The following ADAM23 variants were observed in gnomAD, a reference collection of about 807,000 sequenced individuals.
ADAM23 encodes ADAM metallopeptidase domain 23.
ADAM23 carries 33 observed loss-of-function variants against 120.1 expected under a neutral mutation model. That is an observed-to-expected ratio of 0.27 (90% CI 0.21 to 0.37). ADAM23 has a LOEUF of 0.37. Among genes scored for constraint, ADAM23 ranks in the 10% least tolerant of loss-of-function variants. The pLI is 1.00. For synonymous variants in ADAM23, 367 were observed against 375.2 expected (o/e 0.98, Z 0.25); for missense variants, 862 against 1,058.2 (o/e 0.81, Z 2.57).
intron 2 of ADAM23, among the ~76,000 whole-genome samples, chr2:206,463,370 G>A (rs539164876): frequency 3.6e-4 from 55 of 152,276 alleles, no homozygotes; most frequent in African/African-American, 1.2e-3. Flanking sequence ...GCCTTTAGAA[G>A]GTGGAAAAGA....
Position 206,592,666 on chromosome 2 carries a change from C to A in ADAM23, c.2008C>A (p.Arg670Ser). The A allele has an allele frequency of 3.1e-6, 5 of 1,613,978 alleles. No homozygotes were observed. The highest frequency in any genetic ancestry group is 4.2e-6 in the Non-Finnish European group (5 of 1,179,892). Residue 670 changes from arginine to serine, a missense_variant, in exon 22 of 26, where the codon CGT becomes AGT. Transcript: ENST00000264377. The part of the protein sequence containing the change: ...LLCTNLTRAP[R>S]IGQLQGEIIP... ...CTGTACCAATCTTACTCGAGCTCCA[C>A]GTATTGGTCAACTTCAGGGTGAGAT...
chr2:206,587,011 C>G (rs902263491), intron 18 of ADAM23, among the ~76,000 whole-genome samples: 1 of 152,146 alleles, frequency 6.6e-6, no homozygotes, highest in African/African-American at 2.4e-5. Context: ...CAAGCTGATT[C>G]ATTTCCTTCA....
At chr2:206,582,402 C>G (rs1164334205) in intron 18 of ADAM23, among the ~76,000 whole-genome samples, 1 of 152,046 alleles carries the variant, frequency 6.6e-6, no homozygotes, top group Non-Finnish European at 1.5e-5. Context: ...AATGCCTTTT[C>G]CACCCCTTTA....
chr2:206,544,217 G>T (rs533170060), intron 6 of ADAM23, among the ~76,000 whole-genome samples: 79 of 152,258 alleles, frequency 5.2e-4, no homozygotes, highest in African/African-American at 1.9e-3. Context: ...AAAATCTTTA[G>T]TGGGGAAATC....
intron 2 of ADAM23, among the ~76,000 whole-genome samples, chr2:206,450,416 G>C (rs1695168266): frequency 6.6e-6 from 1 of 152,132 alleles, no homozygotes; most frequent in African/African-American, 2.4e-5. Context: ...TGTAATGCTT[G>C]GCATGTAGTA....
chr2:206,494,636 C>T (rs570523669), intron 3 of ADAM23, among the ~76,000 whole-genome samples: 110 of 152,276 alleles, frequency 7.2e-4, no homozygotes, highest in African/African-American at 2.6e-3. Flanking sequence ...GCTGGCCATT[C>T]AGTGGTTGAT....
chr2:206,601,830 A>C (rs1698645389), intron 24 of ADAM23, among the ~76,000 whole-genome samples: 1 of 152,088 alleles, frequency 6.6e-6, no homozygotes, highest in African/African-American at 2.4e-5. Context: ...ATAGCACAAT[A>C]GTAAACAGAA....
chr2:206,551,714 A>G (rs185202114), intron 9 of ADAM23, among the ~76,000 whole-genome samples: 3 of 152,328 alleles, frequency 2.0e-5, no homozygotes, highest in African/African-American at 4.8e-5. Flanking sequence ...TTAAAAAAAT[A>G]GTGACTTAAT....
intron 4 of ADAM23, among the ~76,000 whole-genome samples, chr2:206,533,448 C>G (rs531687921): frequency 6.6e-6 from 1 of 152,286 alleles, no homozygotes; most frequent in East Asian, 1.9e-4. Flanking sequence ...CGTGATCCAC[C>G]CGCCTCAGCC....
intron 4 of ADAM23, 57 bp downstream of exon 4, chr2:206,531,005 A>G (rs1187534653): frequency 3.5e-6 from 5 of 1,448,182 alleles, no homozygotes; most frequent in Non-Finnish European, 4.8e-6. Flanking sequence ...CATAGAGTTG[A>G]TCAGTGCACA....
At chr2:206,534,262 T>C (rs1231369629) in intron 4 of ADAM23, among the ~76,000 whole-genome samples, 1 of 152,212 alleles carries the variant, frequency 6.6e-6, no homozygotes, top group African/African-American at 2.4e-5. Context: ...AATGAAATAA[T>C]ATAATAGGTG....
chr2:206,562,245 C>G lies in ADAM23; in HGVS notation c.1297C>G (p.Leu433Val). 6.2e-7 allele frequency: 1 copy of G among 1,614,086 alleles called. No individual in the cohort carries two copies. Among genetic ancestry groups the G allele is most frequent in the South Asian group, 1.1e-5 (1 of 91,082 alleles). ...MAVAQVLSQS[L>V]AQNLGIQWEP... Reference sequence around the variant, plus strand: ...AGTGGCACAAGTATTATCGCAGAGCCTGGCTCAAAACCTTGGAATCCAATG... The same window carrying G: ...AGTGGCACAAGTATTATCGCAGAGCGTGGCTCAAAACCTTGGAATCCAATG... Residue 433 changes from leucine (L) to valine (V), a missense_variant, in exon 13 of 26, where the codon CTG (leucine) becomes GTG (valine). Leu to Val is a conservative substitution (Grantham distance 32, BLOSUM62 1). This residue lies in a region of ADAM23 where 617 missense variants were observed against 813.5 expected (regional missense o/e 0.76). Transcript: ENST00000264377.
In ADAM23 at chr2:206,516,159, G is replaced by A. The variant is rs114715699; in HGVS notation, c.510-14726G>A. 3.7e-3 allele frequency among the ~76,000 whole-genome samples: 552 copies of A among 150,118 alleles called. 4 individuals are homozygous for A. The highest frequency in any genetic ancestry group is 0.013 in the African/African-American group (512 of 40,834). The stretch of plus-strand genomic sequence containing the variant: ...AGCTCTCTGTGTTCCTCTCAGTCAC[G>A]TTCCCCCACCCCAACTCCTACCCAA... On this transcript the variant is annotated intron_variant, in intron 3 of 25. Coordinates refer to ENST00000264377, the MANE Select transcript of ADAM23 (RefSeq NM_003812.4).
intron 14 of ADAM23, among the ~76,000 whole-genome samples, chr2:206,565,306 G>A (rs1324336115): frequency 6.6e-6 from 1 of 152,038 alleles, no homozygotes; most frequent in Non-Finnish European, 1.5e-5. Flanking sequence ...ACCCTTAAAG[G>A]AAGCACATGA....
In ADAM23 at chr2:206,567,377, A is replaced by C. The variant is rs528980113; in HGVS notation, c.1494+55A>C. On this transcript the variant is annotated intron_variant, in intron 15 of 25. Transcript: ENST00000264377. ...GTATATTATTTCTCCAGTGTTTTAC[A>C]GTGCAACAGTGCTGGATATCAGACG... 5.0e-6 allele frequency: 7 copies of C among 1,396,974 alleles called. No individual in the cohort carries two copies. The South Asian group carries it at 6.1e-5, about 12-fold the overall frequency. The allele number at this position is 1,396,974 out of a possible 1,614,324, so 86.5% of individuals were successfully genotyped here. A position where few individuals can be genotyped will look rare whatever the true frequency, so the allele number is the denominator to read the frequency against.
At chr2:206,472,376 G>T (rs13425026) in intron 2 of ADAM23, among the ~76,000 whole-genome samples, 1 of 152,078 alleles carries the variant, frequency 6.6e-6, no homozygotes, top group Non-Finnish European at 1.5e-5. Flanking sequence ...TTGGGAGGCC[G>T]AGGTGGGTGG....
At chr2:206,592,460 A>G (rs927125860) in intron 21 of ADAM23, among the ~76,000 whole-genome samples, 157 bp from the exon 22 acceptor site, 2 of 152,228 alleles carry the variant, frequency 1.3e-5, no homozygotes, top group Admixed American at 6.5e-5. Flanking sequence ...GCAAAGAAGG[A>G]GGAGGTTATC....
chr2:206,581,298 C>T (rs1278569701), intron 18 of ADAM23, among the ~76,000 whole-genome samples: 1 of 152,110 alleles, frequency 6.6e-6, no homozygotes, highest in African/African-American at 2.4e-5. Flanking sequence ...TGTCTAGTTC[C>T]TTGAGGTATG....
At chr2:206,564,826 C>A (rs1372683555) in intron 13 of ADAM23, among the ~76,000 whole-genome samples, 194 bp from the exon 14 acceptor site, 1 of 152,094 alleles carries the variant, frequency 6.6e-6, no homozygotes, top group Non-Finnish European at 1.5e-5. Flanking sequence ...TAGGAATTAA[C>A]CTATAATTCT....
Sources: gnomAD v4.1 joint callset for allele counts (sites outside exome capture counted in the v4.1 genomes callset) on GRCh38, gnomAD v4.1.1 for gene constraint, gnomAD v4.1.1 regional missense constraint, MANE v1.5 for transcripts, NCBI Gene and HGNC (gene_info 2026-07-23, HGNC 2026-07-21) for gene names.